DPP6: variants seen among roughly 807,000 people sequenced by gnomAD.
DPP6 encodes A-type potassium channel modulatory protein DPP6.
DPP6 carries 69 observed loss-of-function variants against 122.6 expected under a neutral mutation model. The ratio of observed to expected loss-of-function variants is 0.56; its 90% CI spans 0.46 to 0.69. The LOEUF (loss-of-function observed/expected upper bound fraction) is 0.69. DPP6 is among the 30% of genes least tolerant of loss of function. DPP6 has a pLI of 0.00. For synonymous variants in DPP6, 418 were observed against 433.1 expected, an observed-to-expected ratio of 0.97 and a Z score of 0.43; for missense variants, 928 against 1,116.9, an observed-to-expected ratio of 0.83 and a Z score of 2.41.
At chr7:154,098,773 C>T (rs1212455863) in intron 1 of DPP6, among the ~76,000 whole-genome samples, 7 of 152,100 alleles carry the variant, frequency 4.6e-5, no homozygotes, top group African/African-American at 1.2e-4. Context: ...CCTCCATGAT[C>T]GCTACTGCAT....
At chr7:153,936,074 G>A (rs908337100) in intron 1 of DPP6, among the ~76,000 whole-genome samples, 7 of 152,212 alleles carry the variant, frequency 4.6e-5, no homozygotes, top group African/African-American at 1.7e-4. Context: ...GTTCCCTTAA[G>A]GGGGAATGTA....
chr7:154,180,578 TC>T (rs1798033821), intron 1 of DPP6, among the ~76,000 whole-genome samples: 6 of 145,748 alleles, frequency 4.1e-5, no homozygotes, highest in Admixed American at 3.5e-4. Flanking sequence ...ATATATATAT[TC>T]GAGTTTATAT....
At chr7:154,757,097 T>C (rs1843722373) in intron 8 of DPP6, among the ~76,000 whole-genome samples, 1 of 151,074 alleles carries the variant, frequency 6.6e-6, no homozygotes, top group South Asian at 2.1e-4. Flanking sequence ...GCCAGCCCTT[T>C]CTCCATCCCT....
the DPP6 span, among the ~76,000 whole-genome samples, chr7:153,770,585 A>G: frequency 6.6e-6 from 1 of 152,332 alleles, no homozygotes. Context: ...CTCACTCTCT[A>G]CTATTCTACA....
chr7:154,464,998 A>G (rs766682501), intron 2 of DPP6, among the ~76,000 whole-genome samples: 9 of 152,240 alleles, frequency 5.9e-5, no homozygotes, highest in African/African-American at 2.2e-4. Context: ...ATTAATAATG[A>G]TAACTAGAAA....
chr7:153,855,671 C>G, the DPP6 span, among the ~76,000 whole-genome samples: 1 of 152,136 alleles, frequency 6.6e-6, no homozygotes, highest in Admixed American at 6.6e-5. Context: ...CAGTGTACTT[C>G]TGTGTGTGTT....
chr7:154,553,534 T>G (rs1829787065), intron 4 of DPP6, among the ~76,000 whole-genome samples: 1 of 152,172 alleles, frequency 6.6e-6, no homozygotes, highest in Non-Finnish European at 1.5e-5. Flanking sequence ...ACCAAAATCC[T>G]TAGGAACTCT....
intron 1 of DPP6, among the ~76,000 whole-genome samples, chr7:154,345,985 T>A (rs889726727): frequency 1.3e-5 from 2 of 152,190 alleles, no homozygotes; most frequent in African/African-American, 4.8e-5. Context: ...ATACTTTGAT[T>A]AGGGAGCAAG....
At chr7:154,687,430 T>C (rs750512403) in intron 7 of DPP6, among the ~76,000 whole-genome samples, 4 of 152,274 alleles carry the variant, frequency 2.6e-5, no homozygotes, top group Non-Finnish European at 5.9e-5. Context: ...TTTTGCTGTG[T>C]GTATATTTCA....
chr7:154,060,282 G>T (rs1299497300), intron 1 of DPP6, among the ~76,000 whole-genome samples: 1 of 114,804 alleles, frequency 8.7e-6, no homozygotes, highest in African/African-American at 3.5e-5. Flanking sequence ...CAGGGACTGA[G>T]AGGCAATCCC....
intron 11 of DPP6, 56 bp from the exon 12 acceptor site, chr7:154,795,784 CAAAAA>C (rs376336221): frequency 2.6e-6 from 3 of 1,176,272 alleles, no homozygotes; most frequent in Middle Eastern, 2.2e-4. Context: ...ACAATACATG[CAAAAA>C]AAAAAAAGAA....
chr7:154,810,518 C>T (rs140588536), intron 16 of DPP6, among the ~76,000 whole-genome samples: 1,546 of 152,208 alleles, frequency 0.01, 22 homozygotes, highest in African/African-American at 0.032. Context: ...AAGGGAGATT[C>T]GTATTTCTTT....
At chr7:154,734,409 C>T (rs1842483397) in intron 8 of DPP6, among the ~76,000 whole-genome samples, 1 of 152,216 alleles carries the variant, frequency 6.6e-6, no homozygotes, top group Non-Finnish European at 1.5e-5. Flanking sequence ...CTGGCTAGGG[C>T]ACTTCAACTG....
chr7:154,806,971 A>G (rs1485461775), intron 15 of DPP6, 23 bp from the exon 16 acceptor site: 1 of 1,612,472 alleles, frequency 6.2e-7, no homozygotes, highest in Admixed American at 1.7e-5. Context: ...CCACATTCAC[A>G]CCTGCGTCCT....
chr7:154,379,445 C>A (rs1160043882), intron 1 of DPP6, among the ~76,000 whole-genome samples: 1 of 152,004 alleles, frequency 6.6e-6, no homozygotes, highest in Non-Finnish European at 1.5e-5. Context: ...CAACATGGCA[C>A]ATGTATACAT....
chr7:153,861,407 C>A, the DPP6 span, among the ~76,000 whole-genome samples: 2 of 152,180 alleles, frequency 1.3e-5, no homozygotes, highest in South Asian at 4.2e-4. Flanking sequence ...TCAGACATAC[C>A]ATTATTTTCT....
intron 1 of DPP6, among the ~76,000 whole-genome samples, chr7:154,307,181 A>C (rs1806423577): frequency 1.3e-5 from 2 of 152,094 alleles, no homozygotes; most frequent in South Asian, 4.1e-4. Context: ...ATTTGCTCTT[A>C]TTTTGCCTGA....
chr7:153,773,862 CA>C, the DPP6 span, among the ~76,000 whole-genome samples: 4,357 of 90,610 alleles, frequency 0.048, 191 homozygotes, highest in African/African-American at 0.15. Context: ...GCAACAAAGA[CA>C]AAAAAAAAAA....
chr7:154,811,159 C>T (rs1799036566), intron 16 of DPP6, among the ~76,000 whole-genome samples: 1 of 152,096 alleles, frequency 6.6e-6, no homozygotes, highest in Non-Finnish European at 1.5e-5. Flanking sequence ...TTTGAATGCC[C>T]AAATTAAACT....
Sources: allele counts gnomAD v4.1 joint callset (sites outside exome capture counted in the v4.1 genomes callset), GRCh38; gene constraint gnomAD v4.1.1; transcripts MANE v1.5; gene names NCBI Gene and HGNC (gene_info 2026-07-23, HGNC 2026-07-21).